The following NID1 variants were observed in gnomAD, a reference collection of about 807,000 sequenced individuals.
NID1 encodes the protein nidogen 1.
Under a neutral mutation model 130.6 loss-of-function variants are expected in NID1, and 76 were observed. The observed-to-expected ratio is 0.58, with a 90% CI of 0.48 to 0.70. The LOEUF (loss-of-function observed/expected upper bound fraction) is 0.70, where lower values mean the gene tolerates loss of function less well. NID1 is among the 30% of genes least tolerant of loss of function. The pLI is 0.00. For missense variants in NID1, 1,517 were observed against 1,664.8 expected (o/e 0.91, Z 1.54); for synonymous variants, 665 against 675.1 (o/e 0.98, Z 0.23).
At position 236,048,976 on chromosome 1, in the gene NID1, C is replaced by T. The variant is rs764259020; in HGVS notation, c.239G>A (p.Gly80Asp). The T allele has an allele frequency of 1.2e-6, 2 of 1,613,746 alleles. No homozygotes were observed. ...DIDAVYVTTNGIIATSEPPAK... is the reference protein window; with the variant it reads ...DIDAVYVTTNDIIATSEPPAK... ...CGGGGGTTCACTCGTAGCAATGATG[C>T]CATTTGTGGTGACCTGTACAAAACC... is the stretch of plus-strand genomic sequence containing the variant. The change falls in exon 2 of 20, where the codon GGC becomes GAC. Residue 80 changes from glycine (G) to aspartate (D), a missense_variant. Gly to Asp is a moderately conservative substitution (Grantham distance 94). Transcript: ENST00000264187.
chr1:236,017,558 G>A (rs1265389912), intron 9 of NID1, among the ~76,000 whole-genome samples: 1 of 139,420 alleles, frequency 7.2e-6, no homozygotes, highest in Non-Finnish European at 1.7e-5. Flanking sequence ...GCCAATTTTT[G>A]TATTTTTAGT....
intron 19 of NID1, among the ~76,000 whole-genome samples, chr1:235,978,610 T>G (rs866543932): frequency 3.3e-5 from 5 of 152,238 alleles, no homozygotes; most frequent in Admixed American, 6.5e-5. Flanking sequence ...GTAAAGTTCA[T>G]AGCTCACAGT....
At chr1:236,054,997 T>C (rs1409248521) in intron 1 of NID1, among the ~76,000 whole-genome samples, 3 of 151,988 alleles carry the variant, frequency 2.0e-5, no homozygotes, top group Non-Finnish European at 4.4e-5. Context: ...GATAAAATAT[T>C]TGGGATTTGC....
intron 11 of NID1, among the ~76,000 whole-genome samples, chr1:236,012,354 C>T (rs939530280): frequency 2.0e-5 from 3 of 152,054 alleles, no homozygotes; most frequent in Non-Finnish European, 4.4e-5. Context: ...GTCAGGAGTT[C>T]AAGACCAGCC....
chr1:236,048,818 G>T lies in NID1; in HGVS notation c.397C>A (p.Arg133=), dbSNP rs370997280. The change falls in exon 2 of 20, where the codon CGA becomes AGA. Residue 133 remains arginine (R), a synonymous_variant. Transcript: ENST00000264187. ...CCTCTGTGGACACACTCTGCTGCTC[G>T]CTGAGTGATGGAGGGGGATAAGTCT... ...REDLSPSITQ[R]AAECVHRGFP... is the part of the protein sequence containing the mutation. 173 of 1,614,018 alleles carry T rather than the reference G, an allele frequency of 1.1e-4. No individual in the cohort carries two copies. Among genetic ancestry groups the T allele is most frequent in the Non-Finnish European group, 1.4e-4 (171 of 1,180,040 alleles).
chr1:236,032,384 T>C lies in NID1; in HGVS notation c.1537+17A>G. On this transcript the variant is annotated intron_variant, in intron 6 of 19. Coordinates refer to ENST00000264187, the MANE Select transcript of NID1 (RefSeq NM_002508.3). ...CTACTGTGTGACCCACTAATTTTAA[T>C]GTCGGATATAAATTACCGGTGATGC... 6.2e-7 allele frequency: 1 copy of C among 1,611,668 alleles called. No homozygotes were observed.
chr1:235,981,819 T>C (rs771222099), intron 15 of NID1, 37 bp from the exon 16 acceptor site: 2 of 1,558,874 alleles, frequency 1.3e-6, no homozygotes, highest in East Asian at 2.3e-5. Context: ...ATTTTTTTTG[T>C]TTTCTAAGCA....
chr1:236,016,880 A>T (rs11577753), intron 10 of NID1, among the ~76,000 whole-genome samples: 17 of 152,162 alleles, frequency 1.1e-4, no homozygotes, highest in Non-Finnish European at 2.5e-4. Flanking sequence ...GATTAAAAGA[A>T]GTTTATAAGA....
intron 12 of NID1, among the ~76,000 whole-genome samples, chr1:235,996,784 C>T (rs1056055152): frequency 6.6e-6 from 1 of 151,890 alleles, no homozygotes; most frequent in African/African-American, 2.4e-5. Flanking sequence ...TGCTATGTTG[C>T]CCAGGCTGGC....
In NID1 at chr1:236,038,157, C is replaced by G; in HGVS notation, c.1232G>C (p.Cys411Ser). 1 of 1,610,992 alleles carries G rather than the reference C, an allele frequency of 6.2e-7. No homozygotes were observed. Among genetic ancestry groups the G allele is most frequent in the Non-Finnish European group, 8.5e-7 (1 of 1,177,494 alleles). ...CGTATAGCCAGCGACACAGCTGCAG[C>G]AGAAGCCCGTGGCGTAGTCCCTGCA... is the stretch of plus-strand genomic sequence containing the variant. Reference protein sequence around the residue: ...AECRDYATGFCCSCVAGYTGN... With the variant: ...AECRDYATGFSCSCVAGYTGN... Residue 411 changes from cysteine to serine, a missense_variant, in exon 5 of 20, where the codon TGC becomes TCC. By Grantham distance (112) the Cys-to-Ser change is moderately radical. This residue lies in a region of NID1 where 1,329 missense variants were observed against 1,429.2 expected (regional missense o/e 0.93). Transcript: ENST00000264187.
In NID1 at chr1:236,026,065, G is replaced by A. The variant is rs944073250; in HGVS notation, c.1815C>T (p.Tyr605=). The stretch of plus-strand genomic sequence containing the variant: ...TGATGGTCTGGCGCCACTGGTAAGT[G>A]TAGATGCGTGAAGGAGATGCCCCAT... ...ERDGASPSRI[Y]TYQWRQTITF... is the part of the protein sequence containing the mutation. The change falls in exon 8 of 20, where the codon TAC becomes TAT. Residue 605 remains tyrosine, a synonymous_variant. Transcript: ENST00000264187. 8 of 1,613,874 alleles carry A rather than the reference G, an allele frequency of 5.0e-6. No individual in the cohort carries two copies. The highest frequency in any genetic ancestry group is 4.5e-5 in the East Asian group (2 of 44,886).
chr1:235,994,113 A>C (rs1376761813), intron 12 of NID1, among the ~76,000 whole-genome samples: 1 of 152,230 alleles, frequency 6.6e-6, no homozygotes, highest in African/African-American at 2.4e-5. Flanking sequence ...AACACTTTTA[A>C]AAAATTGAGG....
intron 6 of NID1, 95 bp downstream of exon 6, chr1:236,032,306 G>A: frequency 6.8e-7 from 1 of 1,474,944 alleles, no homozygotes; most frequent in African/African-American, 1.4e-5. Context: ...CTTCTAAGTT[G>A]TCTGCAGACT....
intron 9 of NID1, among the ~76,000 whole-genome samples, chr1:236,019,484 G>C (rs115929848): frequency 6.6e-6 from 1 of 152,130 alleles, no homozygotes; most frequent in African/African-American, 2.4e-5. Context: ...TTACGCAAGG[G>C]GAAGCTGTGT....
intron 11 of NID1, 117 bp from the exon 12 acceptor site, chr1:236,012,160 G>A: frequency 6.3e-6 from 8 of 1,278,964 alleles, no homozygotes; most frequent in Non-Finnish European, 8.7e-6. Flanking sequence ...TCTGGGAACA[G>A]TAATCCAAAA....
At chr1:235,994,908 G>A (rs1156439966) in intron 12 of NID1, among the ~76,000 whole-genome samples, 2 of 152,102 alleles carry the variant, frequency 1.3e-5, no homozygotes, top group African/African-American at 2.4e-5. Flanking sequence ...TGTTGGCCAC[G>A]CTAGCATCTC....
At chr1:236,033,466 G>A (rs961678764) in intron 5 of NID1, among the ~76,000 whole-genome samples, 18 of 152,260 alleles carry the variant, frequency 1.2e-4, no homozygotes, top group South Asian at 1.0e-3. Flanking sequence ...ACCACCCAGC[G>A]TTAGCACTGC....
At chr1:235,980,719 A>G in intron 16 of NID1, 66 bp from the exon 17 acceptor site, 2 of 1,517,568 alleles carry the variant, frequency 1.3e-6, no homozygotes, top group Admixed American at 1.8e-5. Flanking sequence ...AAAGTTTATG[A>G]AAAACACTTG....
chr1:236,059,683 C>T (rs747121597), intron 1 of NID1, among the ~76,000 whole-genome samples: 2 of 152,134 alleles, frequency 1.3e-5, no homozygotes, highest in Non-Finnish European at 1.5e-5. Flanking sequence ...AGCTTAGGGA[C>T]AATCTAAGGA....
Sources: gnomAD v4.1 joint callset for allele counts (sites outside exome capture counted in the v4.1 genomes callset) on GRCh38, gnomAD v4.1.1 for gene constraint, gnomAD v4.1.1 regional missense constraint, MANE v1.5 for transcripts, NCBI Gene and HGNC (gene_info 2026-07-23, HGNC 2026-07-21) for gene names.